TBC1D5: variants seen among roughly 807,000 people sequenced by gnomAD.
TBC1D5 encodes TBC1 domain family, member 5.
A neutral mutation model predicts 100.3 loss-of-function variants in TBC1D5; 75 were observed. The observed-to-expected ratio is 0.75, with a 90% CI of 0.62 to 0.91. The LOEUF (loss-of-function observed/expected upper bound fraction) is 0.91. Among genes scored for constraint, TBC1D5 ranks in the 40% least tolerant of loss-of-function variants. TBC1D5 has a pLI of 0.00. For synonymous variants in TBC1D5, 323 were observed against 325.6 expected (o/e 0.99, Z 0.09); for missense variants, 910 against 942.4 (o/e 0.97, Z 0.45).
intron 2 of TBC1D5, among the ~76,000 whole-genome samples, chr3:17,515,200 T>C (rs1053416607): frequency 2.6e-5 from 4 of 152,040 alleles, no homozygotes; most frequent in East Asian, 3.9e-4. Context: ...AAAAAACCAA[T>C]GAACAAAAAT....
intron 2 of TBC1D5, among the ~76,000 whole-genome samples, chr3:17,539,263 T>A (rs909527473): frequency 2.6e-5 from 4 of 152,156 alleles, no homozygotes; most frequent in African/African-American, 9.7e-5. Context: ...GAGACCATGG[T>A]TCTTATTATG....
intron 13 of TBC1D5, among the ~76,000 whole-genome samples, chr3:17,332,345 C>T (rs547778634): frequency 1.1e-4 from 17 of 152,196 alleles, no homozygotes; most frequent in East Asian, 5.8e-4. Flanking sequence ...TGGGAGAAGA[C>T]GGGAAACAGC....
intron 2 of TBC1D5, among the ~76,000 whole-genome samples, chr3:17,618,691 C>G (rs554114891): frequency 9.3e-4 from 142 of 152,360 alleles, no homozygotes; most frequent in South Asian, 7.7e-3. Context: ...GCTCCATGGG[C>G]ATGGGACCTG....
At chr3:17,694,337 T>G (rs148438819) in intron 1 of TBC1D5, among the ~76,000 whole-genome samples, 3 of 152,134 alleles carry the variant, frequency 2.0e-5, no homozygotes, top group African/African-American at 7.2e-5. Flanking sequence ...GCAAGGAAGC[T>G]AAAAACCTTG....
intron 17 of TBC1D5, 71 bp from the exon 18 acceptor site, chr3:17,233,821 T>G (rs1328103009): frequency 6.5e-6 from 6 of 919,988 alleles, no homozygotes; most frequent in Admixed American, 4.8e-5. Context: ...TCTTTTATAC[T>G]GAATGTTCTA....
At chr3:17,579,821 A>G (rs2096682113) in intron 2 of TBC1D5, among the ~76,000 whole-genome samples, 1 of 152,160 alleles carries the variant, frequency 6.6e-6, no homozygotes. Flanking sequence ...TGTTATCACT[A>G]CAGAGAGCTG....
At chr3:17,561,195 G>A (rs995158688) in intron 2 of TBC1D5, among the ~76,000 whole-genome samples, 1 of 152,112 alleles carries the variant, frequency 6.6e-6, no homozygotes, top group African/African-American at 2.4e-5. Context: ...ACATATATTT[G>A]TTTTGAATGG....
At chr3:17,620,586 A>T (rs2153647717) in intron 2 of TBC1D5, among the ~76,000 whole-genome samples, 1 of 152,342 alleles carries the variant, frequency 6.6e-6, no homozygotes, top group South Asian at 2.1e-4. Flanking sequence ...AAAAACAAGA[A>T]AAATAAGACA....
intron 2 of TBC1D5, among the ~76,000 whole-genome samples, chr3:17,552,714 A>T (rs996367411): frequency 6.6e-6 from 1 of 151,886 alleles, no homozygotes; most frequent in East Asian, 1.9e-4. Flanking sequence ...ATGGAGAGAG[A>T]ATGGGGTCTA....
chr3:17,619,138 T>C (rs1169972884), intron 2 of TBC1D5, among the ~76,000 whole-genome samples: 1 of 152,086 alleles, frequency 6.6e-6, no homozygotes, highest in Non-Finnish European at 1.5e-5. Flanking sequence ...AAATAAACAT[T>C]CTTAAAACAT....
intron 13 of TBC1D5, among the ~76,000 whole-genome samples, chr3:17,341,981 T>C (rs759982273): frequency 2.0e-5 from 3 of 152,306 alleles, no homozygotes; most frequent in South Asian, 4.1e-4. Context: ...TCCACTGCTA[T>C]TGACCTTATC....
chr3:17,331,094 C>A (rs182236177), intron 13 of TBC1D5, among the ~76,000 whole-genome samples: 1 of 152,182 alleles, frequency 6.6e-6, no homozygotes. Flanking sequence ...TTAATGTGTC[C>A]CTGCAATTAG....
intron 3 of TBC1D5, among the ~76,000 whole-genome samples, chr3:17,455,327 T>A (rs1559923519): frequency 6.9e-6 from 1 of 145,414 alleles, no homozygotes; most frequent in African/African-American, 2.6e-5. Flanking sequence ...TGTATATGTG[T>A]ATATATGTAT....
chr3:17,531,663 C>G (rs1229119336), intron 2 of TBC1D5, among the ~76,000 whole-genome samples: 2 of 152,110 alleles, frequency 1.3e-5, no homozygotes, highest in Non-Finnish European at 2.9e-5. Context: ...CAAAACAGAG[C>G]CCTCAGAAAT....
chr3:17,682,809 A>T (rs2069682382), intron 1 of TBC1D5, among the ~76,000 whole-genome samples: 1 of 151,576 alleles, frequency 6.6e-6, no homozygotes, highest in South Asian at 2.1e-4. Flanking sequence ...TATTTACTTG[A>T]AAAGTCTTTC....
chr3:17,528,688 C>T (rs552576831), intron 2 of TBC1D5, among the ~76,000 whole-genome samples: 17 of 152,186 alleles, frequency 1.1e-4, no homozygotes, highest in Middle Eastern at 3.4e-3. Flanking sequence ...CATTTATGCA[C>T]GACCCTCTTA....
At chr3:17,238,307 C>T in exon 17 of TBC1D5, 1 of 1,614,026 alleles carries the variant, frequency 6.2e-7, no homozygotes, top group Non-Finnish European at 8.5e-7. Flanking sequence ...CCTCCAGGTA[C>T]AGGGCCACCT....
At chr3:17,667,472 T>C (rs1294402868) in intron 1 of TBC1D5, among the ~76,000 whole-genome samples, 1 of 152,102 alleles carries the variant, frequency 6.6e-6, no homozygotes, top group Non-Finnish European at 1.5e-5. Flanking sequence ...CTTTTTCTTT[T>C]TTCTTTTTTT....
chr3:17,228,166 G>A (rs1043132941), intron 17 of TBC1D5, among the ~76,000 whole-genome samples: 1 of 152,040 alleles, frequency 6.6e-6, no homozygotes, highest in Non-Finnish European at 1.5e-5. Flanking sequence ...AGGCTGTGGT[G>A]GTAGATTTGA....
Sources: allele counts gnomAD v4.1 joint callset (sites outside exome capture counted in the v4.1 genomes callset), GRCh38; gene constraint gnomAD v4.1.1; transcripts MANE v1.5; gene names NCBI Gene and HGNC (gene_info 2026-07-23, HGNC 2026-07-21).